The following CLHC1 variants were observed in gnomAD, a reference collection of about 807,000 sequenced individuals.
CLHC1 encodes clathrin heavy chain linker domain-containing protein 1.
Under a neutral mutation model 69.5 loss-of-function variants are expected in CLHC1, and 72 were observed. The ratio of observed to expected loss-of-function variants is 1.04; its 90% CI spans 0.86 to 1.26. CLHC1 has a LOEUF of 1.26. Among genes scored for constraint, CLHC1 ranks in the 50% most tolerant of loss-of-function variants. CLHC1 has a pLI of 0.00. For missense variants in CLHC1, 790 were observed against 679.3 expected (o/e 1.16, Z -1.81); for synonymous variants, 223 against 224.3 (o/e 0.99, Z 0.05).
rs780774094 is a variant in CLHC1 at position 55,181,681 on chromosome 2, G to A, written c.1070C>T (p.Thr357Ile). Residue 357 changes from threonine to isoleucine, a missense_variant, in exon 10 of 13, where the codon ACA becomes ATA. By Grantham distance (89) the Thr-to-Ile change is moderately conservative. Transcript: ENST00000401408. Reference protein sequence around the residue: ...LLLFFEALFITSHAFPCPVDA... With the variant: ...LLLFFEALFIISHAFPCPVDA... ...AACAGGACATGGAAAAGCATGACTT[G>A]TGATAAAGAGGGCCTCAAAAAATAA... 1.2e-6 allele frequency: 2 copies of A among 1,613,812 alleles called. No homozygotes were observed. The highest frequency in any genetic ancestry group is 2.2e-5 in the East Asian group (1 of 44,840).
chr2:55,199,296 CAAAAAAAAAAAAA>C (rs57570449), intron 9 of CLHC1, among the ~76,000 whole-genome samples: 7 of 70,964 alleles, frequency 9.9e-5, no homozygotes, highest in African/African-American at 3.7e-4. Flanking sequence ...GACTCCATCT[CAAAAAAAAAAAAA>C]AAAAAAAAAA....
chr2:55,213,185 C>T (rs1258424258), intron 4 of CLHC1, among the ~76,000 whole-genome samples: 3 of 152,190 alleles, frequency 2.0e-5, no homozygotes, highest in Non-Finnish European at 4.4e-5. Flanking sequence ...GAAATTTATT[C>T]TCTTACAATT....
At chr2:55,201,724 C>T (rs1671962394) in intron 9 of CLHC1, among the ~76,000 whole-genome samples, 1 of 152,050 alleles carries the variant, frequency 6.6e-6, no homozygotes, top group African/African-American at 2.4e-5. Context: ...AAGAAAACTA[C>T]ATGTCAATAA....
intron 2 of CLHC1, 90 bp from the exon 3 acceptor site, chr2:55,222,583 T>A: frequency 1.9e-6 from 1 of 531,160 alleles, no homozygotes; most frequent in Non-Finnish European, 3.2e-6. Context: ...TAGAAAAAAA[T>A]TTCCTATCTG....
intron 3 of CLHC1, chr2:55,218,315 GTTCTGAATCTTTTAAATAGAA>G (rs2104020956): frequency 5.8e-6 from 1 of 171,790 alleles, no homozygotes; most frequent in South Asian, 2.0e-4. Context: ...AATTTTCCCA[GTTCTGAATCTTTTAAATAGAA>G]TTCTGTATCT....
At chr2:55,208,141 G>A (rs1429125963) in intron 8 of CLHC1, among the ~76,000 whole-genome samples, 3 of 152,164 alleles carry the variant, frequency 2.0e-5, no homozygotes, top group Non-Finnish European at 2.9e-5. Flanking sequence ...GCTAGGAAAT[G>A]TAAGAAAAAT....
chr2:55,199,427 G>C (rs760761433), intron 9 of CLHC1, among the ~76,000 whole-genome samples: 6 of 151,772 alleles, frequency 4.0e-5, no homozygotes, highest in Non-Finnish European at 8.8e-5. Flanking sequence ...CACAAAAAAG[G>C]CAGTATTATA....
In CLHC1 at chr2:55,175,974, C is replaced by T. The variant is rs751820485; in HGVS notation, c.1577G>A (p.Ser526Asn). Reference protein sequence around the residue: ...INKGGIDAVESLMINDSFCSI... With the variant: ...INKGGIDAVENLMINDSFCSI... The stretch of plus-strand genomic sequence containing the variant: ...GCAAAAGGAATCATTTATCATAAGA[C>T]TTTCTACTGCATCTGTGGGGAAAAA... Residue 526 changes from serine (S) to asparagine (N), a missense_variant, in exon 13 of 13, where the codon AGT (serine) becomes AAT (asparagine). By Grantham distance (46) the Ser-to-Asn change is conservative. Coordinates refer to ENST00000401408, the MANE Select transcript of CLHC1 (RefSeq NM_152385.4). 35 of 1,613,074 alleles carry T rather than the reference C, an allele frequency of 2.2e-5. No homozygotes were observed. Among genetic ancestry groups the T allele is most frequent in the Non-Finnish European group, 2.9e-5 (34 of 1,179,310 alleles).
chr2:55,210,667 T>G (rs1672907194), intron 5 of CLHC1, among the ~76,000 whole-genome samples: 1 of 152,236 alleles, frequency 6.6e-6, no homozygotes, highest in African/African-American at 2.4e-5. Flanking sequence ...AATTCAGGAT[T>G]TGTCAACAGA....
intron 8 of CLHC1, among the ~76,000 whole-genome samples, chr2:55,207,538 T>A (rs1192226198): frequency 6.6e-6 from 1 of 152,188 alleles, no homozygotes; most frequent in Non-Finnish European, 1.5e-5. Flanking sequence ...CTTTTTACCA[T>A]ACCAACAATC....
In CLHC1 at chr2:55,175,383, C is replaced by T. The variant is rs1669291527; in HGVS notation, c.*407G>A. ...AACCTTGAAATGATTTCCTGCTTTT[C>T]TGGTCAAGTCAGGCTTGTAGCATTT... On this transcript the variant is annotated 3_prime_UTR_variant, in exon 13 of 13. Coordinates refer to ENST00000401408, the MANE Select transcript of CLHC1 (RefSeq NM_152385.4). 1 of 157,076 alleles carries T rather than the reference C, an allele frequency of 6.4e-6. No individual in the cohort carries two copies. Among genetic ancestry groups the T allele is most frequent in the African/African-American group, 2.4e-5 (1 of 41,610 alleles). The allele number at this position is 157,076 out of a possible 1,614,324, so 9.7% of individuals were successfully genotyped here.
chr2:55,208,865 C>CTTT (rs142601208), intron 7 of CLHC1, among the ~76,000 whole-genome samples, 155 bp from the exon 8 acceptor site: 1 of 90,820 alleles, frequency 1.1e-5, no homozygotes, highest in African/African-American at 4.0e-5. Flanking sequence ...TCCCTTTCCT[C>CTTT]TTTTTTTTTT....
At chr2:55,216,238 G>A (rs535490345) in intron 4 of CLHC1, 2 of 150,730 alleles carry the variant, frequency 1.3e-5, no homozygotes, top group Admixed American at 1.3e-4. Flanking sequence ...ACTGAGCCAT[G>A]AGCCAAGATC....
intron 3 of CLHC1, among the ~76,000 whole-genome samples, chr2:55,220,228 C>T (rs1016696945): frequency 6.6e-6 from 1 of 152,168 alleles, no homozygotes; most frequent in African/African-American, 2.4e-5. Context: ...GGTATTTGTT[C>T]CCTAGTTCCA....
chr2:55,190,978 T>C (rs894775904), intron 9 of CLHC1, among the ~76,000 whole-genome samples: 6 of 151,992 alleles, frequency 3.9e-5, no homozygotes, highest in Non-Finnish European at 8.8e-5. Flanking sequence ...AAAGTAGTCA[T>C]AGAGAAAAGA....
chr2:55,216,976 C>T (rs1673580957), intron 4 of CLHC1, among the ~76,000 whole-genome samples: 1 of 151,932 alleles, frequency 6.6e-6, no homozygotes, highest in African/African-American at 2.4e-5. Context: ...GGTGAGACCC[C>T]AGTCTCTACA....
intron 1 of CLHC1, among the ~76,000 whole-genome samples, chr2:55,228,791 T>G (rs1561232): frequency 0.98 from 148,587 of 152,320 alleles, 72,514 homozygotes; most frequent in African/African-American, 0.99. Flanking sequence ...GGAGACACAG[T>G]ATTGAACAAA....
chr2:55,188,318 C>G (rs982204260), intron 9 of CLHC1, among the ~76,000 whole-genome samples: 1 of 151,912 alleles, frequency 6.6e-6, no homozygotes, highest in African/African-American at 2.4e-5. Context: ...CCTGTCTTAA[C>G]AAAAGGGTAT....
chr2:55,215,230 A>T (rs534127254), intron 4 of CLHC1: 2 of 152,320 alleles, frequency 1.3e-5, no homozygotes, highest in South Asian at 2.1e-4. Context: ...ATATATTTTT[A>T]AAAAATCTTT....
Sources: allele counts gnomAD v4.1 joint callset (sites outside exome capture counted in the v4.1 genomes callset), GRCh38; gene constraint gnomAD v4.1.1; transcripts MANE v1.5; gene names NCBI Gene and HGNC (gene_info 2026-07-23, HGNC 2026-07-21).